DYNC1H1: variants seen among roughly 807,000 people sequenced by gnomAD.
The protein encoded by DYNC1H1 is cytoplasmic dynein 1 heavy chain 1.
DYNC1H1 carries 51 observed loss-of-function variants against 527.1 expected under a neutral mutation model. The ratio of observed to expected loss-of-function variants is 0.10; its 90% CI spans 0.08 to 0.12. DYNC1H1 has a LOEUF of 0.12. Among genes scored for constraint, DYNC1H1 ranks in the 10% least tolerant of loss-of-function variants. DYNC1H1 has a pLI of 1.00. For synonymous variants in DYNC1H1, 2,189 were observed against 2,278.8 expected (o/e 0.96, Z 1.12); for missense variants, 2,771 against 5,971.8 (o/e 0.46, Z 17.66).
Position 101,983,187 on chromosome 14 carries a change from C to G in DYNC1H1, c.1130C>G (p.Ala377Gly). Residue 377 changes from alanine to glycine, a missense_variant, in exon 6 of 78, where the codon GCA (alanine) becomes GGA (glycine). Coordinates refer to ENST00000360184, the MANE Select transcript of DYNC1H1 (RefSeq NM_001376.5). This position sits in a 1 kb window ranked among gnomAD's most constrained non-coding sequence, Gnocchi z 5.3. ...IRNTKYPIQR[A>G]LRLVEAISRD... ...AACACAAAATATCCTATTCAGAGGG[C>G]ACTGCGTTTGGTGGAGGCAATTTCA... 6.2e-7 allele frequency: 1 copy of G among 1,614,142 alleles called. No homozygotes were observed. The highest frequency in any genetic ancestry group is 8.5e-7 in the Non-Finnish European group (1 of 1,180,022).
At position 101,965,817 on chromosome 14, in the gene DYNC1H1, A is replaced by G. The variant is rs572138478; in HGVS notation, c.256+870A>G. ...ATATTTGAGTCTAATTTTACAGATTAAAAAAAAAAAAAAAGATTCAGGTTA... is the reference window on the plus strand; with the variant it reads ...ATATTTGAGTCTAATTTTACAGATTGAAAAAAAAAAAAAAGATTCAGGTTA... On this transcript the variant is annotated intron_variant, in intron 1 of 77. Transcript: ENST00000360184. This position sits in a 1 kb window ranked among gnomAD's most constrained non-coding sequence, Gnocchi z 4.1. Among the ~76,000 whole-genome samples the G allele has an allele frequency of 1.1e-5, 1 of 91,894 alleles. No individual in the cohort carries two copies. The highest frequency in any genetic ancestry group is 6.5e-5 in the African/African-American group (1 of 15,386). 60.3% of individuals were successfully genotyped at this position (91,894 alleles called of 152,430 possible).
At chr14:101,994,422 G>A (rs2048033952) in intron 12 of DYNC1H1, 98 bp downstream of exon 12, 5 of 1,550,120 alleles carry the variant, frequency 3.2e-6, no homozygotes, top group Non-Finnish European at 4.4e-6. Flanking sequence ...GGTCTTGACT[G>A]TATGTATGGT....
intron 23 of DYNC1H1, among the ~76,000 whole-genome samples, chr14:102,004,246 AAAT>A (rs2048170435): frequency 1.3e-5 from 1 of 74,768 alleles, no homozygotes; most frequent in South Asian, 3.8e-4. Context: ...TCCGTCTCAA[AAAT>A]AAATAAATAA....
intron 1 of DYNC1H1, among the ~76,000 whole-genome samples, chr14:101,968,074 T>A (rs1210930993): frequency 6.6e-6 from 1 of 152,220 alleles, no homozygotes; most frequent in East Asian, 1.9e-4. Flanking sequence ...TAATGACGTT[T>A]TTGTAGCATT....
intron 29 of DYNC1H1, 165 bp from the exon 30 acceptor site, chr14:102,009,678 G>A: frequency 9.6e-7 from 1 of 1,045,580 alleles, no homozygotes; most frequent in South Asian, 1.5e-5. Flanking sequence ...GGAGAATGTG[G>A]CTGGTGGTCC....
intron 11 of DYNC1H1, 57 bp downstream of exon 11, chr14:101,991,730 T>G: frequency 6.2e-7 from 1 of 1,604,948 alleles, no homozygotes; most frequent in Non-Finnish European, 8.5e-7. Flanking sequence ...ATGGGCTCTG[T>G]GATACCACTT....
chr14:101,996,887 T>G lies in DYNC1H1; in HGVS notation c.3565-148T>G, dbSNP rs188716342. The stretch of plus-strand genomic sequence containing the variant: ...ATCCACCTGCCTCAGCCTCCCAAAG[T>G]GCTGGGATTACAGGCAAGAACCACT... On this transcript the variant is annotated intron_variant, in intron 15 of 77. Transcript: ENST00000360184. 4.4e-4 allele frequency: 514 copies of G among 1,172,104 alleles called. 3 individuals are homozygous for G. Among genetic ancestry groups the G allele is most frequent in the Admixed American group, 7.4e-4 (31 of 41,992 alleles). The allele number at this position is 1,172,104 out of a possible 1,614,324, so 72.6% of individuals were successfully genotyped here. A position where few individuals can be genotyped will look rare whatever the true frequency, so the allele number is the denominator to read the frequency against.
chr14:102,051,557 C>G lies in DYNC1H1; in HGVS notation c.*994C>G, dbSNP rs1359381921. ...GTTGCCCATCGCCGCCCTAGCAAGTCCATTCCCACACGACCTTTCCAGTGG... is the reference window on the plus strand; with the variant it reads ...GTTGCCCATCGCCGCCCTAGCAAGTGCATTCCCACACGACCTTTCCAGTGG... On this transcript the variant is annotated 3_prime_UTR_variant, in exon 78 of 78. Coordinates refer to ENST00000360184, the MANE Select transcript of DYNC1H1 (RefSeq NM_001376.5). 6.6e-6 allele frequency: 1 copy of G among 152,338 alleles called. No individual in the cohort carries two copies. The highest frequency in any genetic ancestry group is 1.5e-5 in the Non-Finnish European group (1 of 68,180). The allele number at this position is 152,338 out of a possible 1,614,324, so 9.4% of individuals were successfully genotyped here.
At chr14:101,999,446 G>A (rs2048105670) in intron 16 of DYNC1H1, among the ~76,000 whole-genome samples, 1 of 152,192 alleles carries the variant, frequency 6.6e-6, no homozygotes, top group African/African-American at 2.4e-5. Context: ...TCCAGCCTAA[G>A]TAAAATGTTT....
At chr14:101,978,149 G>T (rs1158849573) in intron 2 of DYNC1H1, among the ~76,000 whole-genome samples, 1 of 152,216 alleles carries the variant, frequency 6.6e-6, no homozygotes, top group Non-Finnish European at 1.5e-5. Flanking sequence ...CTGCCTCCTG[G>T]ACTCAAGTGA....
At chr14:101,991,825 C>A in intron 11 of DYNC1H1, 152 bp downstream of exon 11, 1 of 1,143,024 alleles carries the variant, frequency 8.7e-7, no homozygotes, top group Non-Finnish European at 1.3e-6. Context: ...GCTTTTTGTG[C>A]CCTGACCTTT....
rs1210928829 is a variant in DYNC1H1 at position 102,016,395 on chromosome 14, G to A, written c.7520G>A (p.Arg2507Gln). Reference sequence around the variant, plus strand: ...CTCTGGTCCCTGTCTGGAGACAGCCGGCTAAAAATGAGAGCAGAGCTGGGT... The same window carrying A: ...CTCTGGTCCCTGTCTGGAGACAGCCAGCTAAAAATGAGAGCAGAGCTGGGT... ...AILWSLSGDS[R>Q]LKMRAELGEY... Residue 2507 changes from arginine to glutamine, a missense_variant, in exon 37 of 78, where the codon CGG (arginine) becomes CAG (glutamine). This residue lies in a region of DYNC1H1 where 71 missense variants were observed against 143.6 expected (regional missense o/e 0.49). Transcript: ENST00000360184. This position sits in a 1 kb window ranked among gnomAD's most constrained non-coding sequence, Gnocchi z 7.3. 1.9e-6 allele frequency: 3 copies of A among 1,614,078 alleles called. No homozygotes were observed. The highest frequency in any genetic ancestry group is 2.2e-5 in the East Asian group (1 of 44,886).
Position 102,042,994 on chromosome 14 carries a change from T to G in DYNC1H1, c.12513+246T>G. ...TTGAGCCCAGGAGTTCAAGACTGTC[T>G]GGGCAGGCCAGGAGTGGTGGCTCAC... On this transcript the variant is annotated intron_variant, in intron 69 of 77. Coordinates refer to ENST00000360184, the MANE Select transcript of DYNC1H1 (RefSeq NM_001376.5). This position sits in a 1 kb window ranked among gnomAD's most constrained non-coding sequence, Gnocchi z 5.7. 1.9e-6 allele frequency: 1 copy of G among 537,146 alleles called. No homozygotes were observed. Among genetic ancestry groups the G allele is most frequent in the Non-Finnish European group, 3.4e-6 (1 of 292,406 alleles). The allele number at this position is 537,146 out of a possible 1,614,324, so 33.3% of individuals were successfully genotyped here. A position where few individuals can be genotyped will look rare whatever the true frequency, so the allele number is the denominator to read the frequency against.
Position 101,986,292 on chromosome 14 carries a change from C to T in DYNC1H1, c.2067C>T (p.Phe689=), listed in dbSNP as rs756750730. The change falls in exon 8 of 78, where the codon TTC becomes TTT. Residue 689 remains phenylalanine, a synonymous_variant. Transcript: ENST00000360184. This position sits in a 1 kb window ranked among gnomAD's most constrained non-coding sequence, Gnocchi z 8.7. ...GQKLKQDGDS[F]RMKLNTQEIF... ...AGCTGAAGCAGGATGGAGACAGCTT[C>T]CGCATGAAGCTCAACACGCAGGAGA... 1 of 1,613,814 alleles carries T rather than the reference C, an allele frequency of 6.2e-7. No homozygotes were observed. Among genetic ancestry groups the T allele is most frequent in the South Asian group, 1.1e-5 (1 of 91,044 alleles).
rs757875518 is a variant in DYNC1H1, at chr14:102,028,148, TCA to T, written c.9468+8_9468+9del. 6.2e-7 allele frequency: 1 copy of T among 1,613,910 alleles called. No homozygotes were observed. The highest frequency in any genetic ancestry group is 1.1e-5 in the South Asian group (1 of 91,052). On this transcript the variant is annotated splice_region_variant and intron_variant, in intron 48 of 77. Transcript: ENST00000360184. The stretch of plus-strand genomic sequence containing the variant: ...TCATCAGACTCTTCACCAGGTGGGT[TCA>T]GTTTTGAGATCAACAGATAAACCAC...
At chr14:102,007,548 C>G (rs546106945) in intron 28 of DYNC1H1, among the ~76,000 whole-genome samples, 1 of 152,288 alleles carries the variant, frequency 6.6e-6, no homozygotes, top group South Asian at 2.1e-4. Context: ...CATGAAGTAA[C>G]TGCTGTGTGT....
Position 102,010,225 on chromosome 14 carries a change from T to C in DYNC1H1, c.6222-51T>C. 2 of 1,613,282 alleles carry C rather than the reference T, an allele frequency of 1.2e-6. No individual in the cohort carries two copies. The highest frequency in any genetic ancestry group is 8.5e-7 in the Non-Finnish European group (1 of 1,179,802). Reference sequence around the variant, plus strand: ...GGTTTCTTGACACTTGACCCTATTATTGCTTAAAGTATACTGTTATTAAAG... The same window carrying C: ...GGTTTCTTGACACTTGACCCTATTACTGCTTAAAGTATACTGTTATTAAAG... On this transcript the variant is annotated intron_variant, in intron 30 of 77. Transcript: ENST00000360184. The surrounding 1 kb of genome is among the most constrained non-coding windows in gnomAD (Gnocchi z 6.0).
chr14:102,028,350 A>G, intron 48 of DYNC1H1: 1 of 528,828 alleles, frequency 1.9e-6, no homozygotes, highest in Non-Finnish European at 3.4e-6. Context: ...CATCTCTACA[A>G]AAAATACAAA....
Position 102,039,347 on chromosome 14 carries a change from G to T in DYNC1H1, c.11461-65G>T. ...GCGGGCCCTGCACAGTAGCTCCTTGGCCACGCAGAAGTTCAGCGGGGTGCC... is the reference window on the plus strand; with the variant it reads ...GCGGGCCCTGCACAGTAGCTCCTTGTCCACGCAGAAGTTCAGCGGGGTGCC... On this transcript the variant is annotated intron_variant, in intron 60 of 77. Transcript: ENST00000360184. The surrounding 1 kb of genome is among the most constrained non-coding windows in gnomAD (Gnocchi z 7.0). 1 of 1,612,276 alleles carries T rather than the reference G, an allele frequency of 6.2e-7. No individual in the cohort carries two copies. The highest frequency in any genetic ancestry group is 8.5e-7 in the Non-Finnish European group (1 of 1,179,036).
Sources: allele counts gnomAD v4.1 joint callset (sites outside exome capture counted in the v4.1 genomes callset), GRCh38; gene constraint gnomAD v4.1.1; regional missense constraint gnomAD v4.1.1; non-coding constraint Gnocchi (gnomAD v3.1); transcripts MANE v1.5; gene names NCBI Gene and HGNC (gene_info 2026-07-23, HGNC 2026-07-21).